RSPO3: variants seen among roughly 807,000 people sequenced by gnomAD.
The protein encoded by RSPO3 is R-spondin 3.
A neutral mutation model predicts 36.5 loss-of-function variants in RSPO3; 17 were observed. The ratio of observed to expected loss-of-function variants is 0.47; its 90% CI spans 0.32 to 0.70. The LOEUF (loss-of-function observed/expected upper bound fraction) is 0.70, where lower values mean the gene tolerates loss of function less well. Ranked by LOEUF, RSPO3 falls within the 30% of genes least tolerant of loss-of-function variation. The probability of loss-of-function intolerance (pLI) is 0.04; values close to 1 mark genes in which losing one functional copy is unlikely to be tolerated. For missense variants in RSPO3, 294 were observed against 322.5 expected (o/e 0.91, Z 0.68); for synonymous variants, 108 against 107.0 (o/e 1.01, Z -0.06).
rs548713839 is a variant in RSPO3, at chr6:127,147,236, T to C, written c.98-1412T>C. ...TCTGTAACTAACCCGTGCACCCCTG[T>C]GGTAAGGCTGTTTGGTCTTATAGGT... On this transcript the variant is annotated intron_variant, in intron 1 of 4. Transcript: ENST00000356698. Among the ~76,000 whole-genome samples the C allele has an allele frequency of 1.7e-4, 26 of 152,260 alleles. No individual in the cohort carries two copies. In the South Asian group the frequency reaches 5.4e-3, roughly 32 times the overall value.
chr6:127,131,844 T>G (rs1173612444), intron 1 of RSPO3, among the ~76,000 whole-genome samples: 1 of 152,104 alleles, frequency 6.6e-6, no homozygotes, highest in Admixed American at 6.6e-5. Flanking sequence ...CTTCACACAC[T>G]TCTTGTACAA....
intron 4 of RSPO3, among the ~76,000 whole-genome samples, chr6:127,160,236 T>G (rs1019563563): frequency 5.9e-5 from 9 of 152,170 alleles, no homozygotes; most frequent in Admixed American, 5.9e-4. Context: ...AGACCTACAG[T>G]ATGTTTCTTA....
intron 4 of RSPO3, among the ~76,000 whole-genome samples, chr6:127,168,628 G>C: frequency 6.6e-6 from 1 of 151,802 alleles, no homozygotes; most frequent in East Asian, 2.0e-4. Context: ...CAATTTTGGG[G>C]TTTGTTGCCA....
intron 4 of RSPO3, among the ~76,000 whole-genome samples, chr6:127,174,535 G>C (rs991898420): frequency 1.3e-5 from 2 of 151,796 alleles, no homozygotes; most frequent in Admixed American, 1.3e-4. Context: ...CTGCTTCTGT[G>C]CTAGCTTTTA....
intron 4 of RSPO3, among the ~76,000 whole-genome samples, chr6:127,172,767 CATT>C (rs1774966257): frequency 6.6e-6 from 1 of 151,488 alleles, no homozygotes; most frequent in South Asian, 2.1e-4. Context: ...GGCATATATG[CATT>C]ATTATTATCG....
chr6:127,137,122 G>A (rs1433624762), intron 1 of RSPO3, among the ~76,000 whole-genome samples: 2 of 152,204 alleles, frequency 1.3e-5, no homozygotes, highest in African/African-American at 4.8e-5. Flanking sequence ...GCTGGGCACG[G>A]TGACTCATGC....
intron 4 of RSPO3, among the ~76,000 whole-genome samples, chr6:127,182,968 C>T (rs1285045958): frequency 6.6e-6 from 1 of 152,016 alleles, no homozygotes; most frequent in Non-Finnish European, 1.5e-5. Context: ...ATTTTGTCAT[C>T]TTTCAACTTT....
At chr6:127,187,704 A>C (rs1775324831) in intron 4 of RSPO3, among the ~76,000 whole-genome samples, 1 of 152,172 alleles carries the variant, frequency 6.6e-6, no homozygotes, top group African/African-American at 2.4e-5. Context: ...CAAAGTCAAG[A>C]TAACAACTTC....
intron 4 of RSPO3, among the ~76,000 whole-genome samples, chr6:127,163,571 C>T (rs1382653986): frequency 2.0e-5 from 3 of 152,076 alleles, no homozygotes; most frequent in Non-Finnish European, 4.4e-5. Context: ...CTCTCTTCTA[C>T]ATGCCCTTCT....
intron 1 of RSPO3, among the ~76,000 whole-genome samples, chr6:127,147,375 C>T (rs969134389): frequency 1.3e-5 from 2 of 152,162 alleles, no homozygotes; most frequent in Non-Finnish European, 2.9e-5. Flanking sequence ...GAGCCTACTC[C>T]TTCTACTACC....
intron 4 of RSPO3, among the ~76,000 whole-genome samples, chr6:127,172,018 G>T (rs1774947042): frequency 6.6e-6 from 1 of 151,060 alleles, no homozygotes. Flanking sequence ...ATAATGAAAA[G>T]AACAAAACTA....
At chr6:127,169,208 G>GT (rs796898605) in intron 4 of RSPO3, among the ~76,000 whole-genome samples, 84 of 147,080 alleles carry the variant, frequency 5.7e-4, no homozygotes, top group African/African-American at 1.1e-3. Context: ...CAGCATCTGG[G>GT]TTTTTTTTTT....
intron 1 of RSPO3, among the ~76,000 whole-genome samples, chr6:127,132,921 G>A (rs938921736): frequency 1.3e-5 from 2 of 152,026 alleles, no homozygotes; most frequent in Non-Finnish European, 2.9e-5. Context: ...AAAGGCATAT[G>A]TCATTTAGAC....
At chr6:127,145,454 A>G (rs1774365123) in intron 1 of RSPO3, among the ~76,000 whole-genome samples, 2 of 152,144 alleles carry the variant, frequency 1.3e-5, no homozygotes, top group Non-Finnish European at 1.5e-5. Context: ...CCCTATGTTT[A>G]CAGAAGAATT....
intron 4 of RSPO3, among the ~76,000 whole-genome samples, chr6:127,180,845 T>G (rs1775170671): frequency 6.6e-6 from 1 of 151,856 alleles, no homozygotes; most frequent in South Asian, 2.1e-4. Flanking sequence ...CAACTACTTA[T>G]ATATCATTTG....
chr6:127,153,297 A>C (rs1453645180), intron 3 of RSPO3, among the ~76,000 whole-genome samples: 2 of 152,060 alleles, frequency 1.3e-5, no homozygotes, highest in Non-Finnish European at 2.9e-5. Context: ...AAATGATCTG[A>C]ATAGAACCTA....
intron 4 of RSPO3, among the ~76,000 whole-genome samples, chr6:127,192,010 G>T (rs1775421375): frequency 6.6e-6 from 1 of 152,152 alleles, no homozygotes; most frequent in African/African-American, 2.4e-5. Flanking sequence ...TCACTGCCTG[G>T]CATGCACTTC....
rs1301210515 is a variant in RSPO3 at position 127,197,597 on chromosome 6, C to T, written c.*1590C>T. 2 of 1,503,648 alleles carry T rather than the reference C, an allele frequency of 1.3e-6. No homozygotes were observed. The highest frequency in any genetic ancestry group is 1.8e-6 in the Non-Finnish European group (2 of 1,124,450). 93.1% of individuals were successfully genotyped at this position (1,503,648 alleles called of 1,614,324 possible). ...CTGCTCTGTCCACTGTGATTCCTAG[C>T]CCTCTCAAGATCACTGCTTTCTGAA... On this transcript the variant is annotated 3_prime_UTR_variant, in exon 5 of 5. Transcript: ENST00000356698.
intron 4 of RSPO3, among the ~76,000 whole-genome samples, chr6:127,169,953 A>T (rs1160772517): frequency 6.6e-6 from 1 of 151,840 alleles, no homozygotes; most frequent in Non-Finnish European, 1.5e-5. Flanking sequence ...GTCTCCCTTC[A>T]ATAAAATGGC....
Sources: gnomAD v4.1 joint callset for allele counts (sites outside exome capture counted in the v4.1 genomes callset) on GRCh38, gnomAD v4.1.1 for gene constraint, MANE v1.5 for transcripts, NCBI Gene and HGNC (gene_info 2026-07-23, HGNC 2026-07-21) for gene names.